Variants in FOXJ3 observed in about 807,000 individuals in gnomAD.
The protein encoded by FOXJ3 is forkhead box protein J3.
Under a neutral mutation model 76.1 loss-of-function variants are expected in FOXJ3, and 22 were observed. The ratio of observed to expected loss-of-function variants is 0.29; its 90% CI spans 0.21 to 0.41. The LOEUF is 0.41. Among genes scored for constraint, FOXJ3 ranks in the 10% least tolerant of loss-of-function variants. FOXJ3 has a pLI of 1.00. For missense variants in FOXJ3, 613 were observed against 762.1 expected, an observed-to-expected ratio of 0.80 and a Z score of 2.30; for synonymous variants, 269 against 261.2, an observed-to-expected ratio of 1.03 and a Z score of -0.29.
At chr1:42,182,308 A>G (rs1463713738) in intron 11 of FOXJ3, among the ~76,000 whole-genome samples, 3 of 152,196 alleles carry the variant, frequency 2.0e-5, no homozygotes, top group Non-Finnish European at 4.4e-5. Flanking sequence ...CACATACCTC[A>G]TTACAATTCA....
intron 4 of FOXJ3, 172 bp downstream of exon 4, chr1:42,264,943 T>C: frequency 1.6e-6 from 1 of 639,438 alleles, no homozygotes; most frequent in African/African-American, 1.9e-5. Flanking sequence ...GCAACAGCTA[T>C]ACACTAGTTA....
chr1:42,300,225 G>A (rs995584205), intron 2 of FOXJ3, among the ~76,000 whole-genome samples: 1 of 152,110 alleles, frequency 6.6e-6, no homozygotes, highest in Non-Finnish European at 1.5e-5. Context: ...CAGAGATATA[G>A]ATATGTGAGG....
At chr1:42,300,954 C>T (rs1024104237) in intron 2 of FOXJ3, among the ~76,000 whole-genome samples, 1 of 152,022 alleles carries the variant, frequency 6.6e-6, no homozygotes, top group African/African-American at 2.4e-5. Context: ...CTTCTTTTTC[C>T]TTCACACTGA....
intron 4 of FOXJ3, among the ~76,000 whole-genome samples, chr1:42,242,638 T>G (rs1649238999): frequency 6.6e-6 from 1 of 151,174 alleles, no homozygotes; most frequent in Non-Finnish European, 1.5e-5. Context: ...CCACACATGC[T>G]GCCCAGGTGA....
intron 2 of FOXJ3, among the ~76,000 whole-genome samples, chr1:42,303,929 C>A (rs1468893038): frequency 6.6e-6 from 1 of 151,974 alleles, no homozygotes; most frequent in Non-Finnish European, 1.5e-5. Context: ...CTCAAGTAAT[C>A]GGACAAGAGA....
intron 11 of FOXJ3, among the ~76,000 whole-genome samples, chr1:42,185,007 G>A (rs943108277): frequency 6.6e-6 from 1 of 152,000 alleles, no homozygotes; most frequent in Non-Finnish European, 1.5e-5. Context: ...AGATTGTGTA[G>A]GCCATATAGG....
chr1:42,210,609 G>A (rs905679371), intron 5 of FOXJ3, among the ~76,000 whole-genome samples: 5 of 152,050 alleles, frequency 3.3e-5, no homozygotes, highest in Admixed American at 3.3e-4. Flanking sequence ...GTCTGTCCAC[G>A]TGCCCAGTAC....
At chr1:42,263,566 T>C (rs1249408311) in intron 4 of FOXJ3, among the ~76,000 whole-genome samples, 5 of 152,130 alleles carry the variant, frequency 3.3e-5, no homozygotes, top group South Asian at 4.1e-4. Flanking sequence ...GTTAAAAACA[T>C]AGAGAAACAA....
At chr1:42,290,098 G>A (rs966836357) in intron 2 of FOXJ3, among the ~76,000 whole-genome samples, 7 of 152,016 alleles carry the variant, frequency 4.6e-5, no homozygotes, top group Non-Finnish European at 8.8e-5. Flanking sequence ...TCCTATGCTG[G>A]AGGAGAAGAA....
chr1:42,236,109 G>A (rs544840084), intron 4 of FOXJ3, among the ~76,000 whole-genome samples: 1 of 124,828 alleles, frequency 8.0e-6, no homozygotes, highest in East Asian at 2.4e-4. Flanking sequence ...TCCTCCCAGA[G>A]TAGGATCTAC....
chr1:42,229,323 T>C (rs767805601), intron 4 of FOXJ3, among the ~76,000 whole-genome samples: 10 of 152,186 alleles, frequency 6.6e-5, no homozygotes, highest in Non-Finnish European at 1.3e-4. Flanking sequence ...TCCTTATGGA[T>C]AGGGACTATT....
At chr1:42,232,922 T>C (rs1196762766) in intron 4 of FOXJ3, among the ~76,000 whole-genome samples, 1 of 151,840 alleles carries the variant, frequency 6.6e-6, no homozygotes, top group Non-Finnish European at 1.5e-5. Context: ...GTTTTTATGG[T>C]TTTAGGTCTA....
At chr1:42,252,230 T>G (rs776472396) in intron 4 of FOXJ3, among the ~76,000 whole-genome samples, 1 of 152,176 alleles carries the variant, frequency 6.6e-6, no homozygotes, top group South Asian at 2.1e-4. Context: ...CTGGTAGAAT[T>G]TGGCTGTGAA....
At chr1:42,325,668 AGTAGATCC>A (rs1399614352) in intron 1 of FOXJ3, among the ~76,000 whole-genome samples, 1 of 152,236 alleles carries the variant, frequency 6.6e-6, no homozygotes, top group Non-Finnish European at 1.5e-5. Context: ...GAAGCTTATA[AGTAGATCC>A]TTAAGTTAGT....
At chr1:42,234,458 TGG>T (rs1321042909) in intron 4 of FOXJ3, among the ~76,000 whole-genome samples, 3 of 152,228 alleles carry the variant, frequency 2.0e-5, no homozygotes, top group Non-Finnish European at 4.4e-5. Context: ...TGTGTTCCTC[TGG>T]AGGAGGAGAG....
intron 2 of FOXJ3, among the ~76,000 whole-genome samples, chr1:42,291,686 A>C (rs1418273518): frequency 6.6e-6 from 1 of 152,128 alleles, no homozygotes; most frequent in Non-Finnish European, 1.5e-5. Flanking sequence ...TCATCAAGGC[A>C]GGAAGATCGC....
intron 3 of FOXJ3, among the ~76,000 whole-genome samples, chr1:42,268,594 A>C (rs1253205309): frequency 6.6e-6 from 1 of 152,214 alleles, no homozygotes; most frequent in East Asian, 1.9e-4. Flanking sequence ...AAGCAAATAT[A>C]ATTTATTACG....
At chr1:42,227,809 G>T (rs1325474250) in intron 5 of FOXJ3, 74 bp downstream of exon 5, 3 of 785,454 alleles carry the variant, frequency 3.8e-6, no homozygotes, top group Non-Finnish European at 6.1e-6. Flanking sequence ...TGCTAGACTG[G>T]AAAAGAACTT....
At chr1:42,309,306 G>GCAGC (rs1485322173) in intron 2 of FOXJ3, among the ~76,000 whole-genome samples, 2 of 152,016 alleles carry the variant, frequency 1.3e-5, no homozygotes, top group African/African-American at 2.4e-5. Flanking sequence ...AACATACAAG[G>GCAGC]CAGCCTCCTG....
Sources: gnomAD v4.1 joint callset for allele counts (sites outside exome capture counted in the v4.1 genomes callset) on GRCh38, gnomAD v4.1.1 for gene constraint, MANE v1.5 for transcripts, NCBI Gene and HGNC (gene_info 2026-07-23, HGNC 2026-07-21) for gene names.